ZMAT3: variants seen among roughly 807,000 people sequenced by gnomAD.
ZMAT3 encodes zinc finger matrin-type 3, also known as zinc finger matrin-type protein 3.
ZMAT3 carries 17 observed loss-of-function variants against 32.3 expected under a neutral mutation model. That is an observed-to-expected ratio of 0.53 (90% CI 0.36 to 0.79). The LOEUF is 0.79. Among genes scored for constraint, ZMAT3 ranks in the 30% least tolerant of loss-of-function variants. The pLI, the probability that ZMAT3 is intolerant of heterozygous loss-of-function variation, is 0.00. For synonymous variants in ZMAT3, 120 were observed against 133.1 expected, an observed-to-expected ratio of 0.90 and a Z score of 0.68; for missense variants, 329 against 359.7, an observed-to-expected ratio of 0.91 and a Z score of 0.69.
chr3:179,047,416 A>G (rs1220613676), intron 2 of ZMAT3, among the ~76,000 whole-genome samples: 1 of 152,214 alleles, frequency 6.6e-6, no homozygotes, highest in African/African-American at 2.4e-5. Context: ...AAGAACCACA[A>G]AAATAATTCT....
chr3:179,048,491 G>C (rs1457555613), intron 2 of ZMAT3, among the ~76,000 whole-genome samples: 1 of 152,180 alleles, frequency 6.6e-6, no homozygotes, highest in African/African-American at 2.4e-5. Context: ...AGCTAGAAGG[G>C]ACTGGGGTCC....
In ZMAT3 at chr3:179,030,988, A is replaced by G. The variant is rs1719153829; in HGVS notation, c.282T>C (p.His94=). 1.9e-6 allele frequency: 3 copies of G among 1,613,388 alleles called. No homozygotes were observed. Among genetic ancestry groups the G allele is most frequent in the Non-Finnish European group, 2.5e-6 (3 of 1,179,662 alleles). Residue 94 remains histidine, a synonymous_variant, in exon 3 of 6, where the codon CAT becomes CAC. Transcript: ENST00000311417. ...CATAGTAATTTCGGAGTTTCTTACC[A>G]TGATTTTTACCCTAGAAATAAAAAT... The part of the protein sequence containing the change: ...QAQAHYQGKN[H]GKKLRNYYAA...
intron 2 of ZMAT3, among the ~76,000 whole-genome samples, chr3:179,059,454 T>C (rs1721037599): frequency 6.6e-6 from 1 of 152,192 alleles, no homozygotes; most frequent in African/African-American, 2.4e-5. Context: ...ACCAGGCCTT[T>C]TCAAAACTAT....
Position 179,030,923 on chromosome 3 carries a change from A to G in ZMAT3, c.347T>C (p.Val116Ala), listed in dbSNP as rs779801051. Residue 116 changes from valine (V) to alanine (A), a missense_variant, in exon 3 of 6, where the codon GTG (valine) becomes GCG (alanine). By Grantham distance (64) the Val-to-Ala change is moderately conservative (BLOSUM62 0). Transcript: ENST00000311417. ...AACTGGAGTAGCTGCAGGCTCGACC[A>G]CATTGCTCATTCTAGCAGGAGGAGG... The part of the protein sequence containing the change: ...SCPPPARMSN[V>A]VEPAATPVVP... 1.2e-6 allele frequency: 2 copies of G among 1,613,972 alleles called. No individual in the cohort carries two copies. The highest frequency in any genetic ancestry group is 1.7e-6 in the Non-Finnish European group (2 of 1,179,922).
intron 2 of ZMAT3, among the ~76,000 whole-genome samples, chr3:179,041,947 C>A (rs1719958686): frequency 6.6e-6 from 1 of 152,164 alleles, no homozygotes; most frequent in Admixed American, 6.5e-5. Flanking sequence ...TCAGTGAATA[C>A]TATAAACACC....
intron 2 of ZMAT3, among the ~76,000 whole-genome samples, chr3:179,055,685 T>C (rs1720804643): frequency 6.6e-6 from 1 of 152,138 alleles, no homozygotes; most frequent in Non-Finnish European, 1.5e-5. Context: ...AAAATAGACC[T>C]AGGTAAATTC....
chr3:179,071,572 G>C (rs1002126181), intron 1 of ZMAT3, 23 bp downstream of exon 1: 1 of 152,172 alleles, frequency 6.6e-6, no homozygotes, highest in Non-Finnish European at 1.5e-5. Context: ...AAAGCTCCGC[G>C]GCTCCCAATC....
At chr3:179,034,303 G>T (rs1719464356) in intron 2 of ZMAT3, among the ~76,000 whole-genome samples, 2 of 152,086 alleles carry the variant, frequency 1.3e-5, no homozygotes, top group African/African-American at 4.8e-5. Flanking sequence ...CTTTTACCAT[G>T]GTCACAGTGA....
chr3:179,043,796 A>T (rs1720080878), intron 2 of ZMAT3, among the ~76,000 whole-genome samples: 1 of 152,190 alleles, frequency 6.6e-6, no homozygotes, highest in Non-Finnish European at 1.5e-5. Flanking sequence ...AACCTACAGA[A>T]TGGGAGAAAA....
chr3:179,070,114 G>GGA lies in ZMAT3; in HGVS notation c.-58+1480_-58+1481insTC, dbSNP rs1164336684. On this transcript the variant is annotated intron_variant, in intron 1 of 5. Coordinates refer to ENST00000311417, the MANE Select transcript of ZMAT3 (RefSeq NM_022470.4). ...TCTGCTAGTTCATTAGTGAAAAGGT[G>GGA]GGGGGGGGTGTCAAAACCTCTGGAT... 3.5e-5 allele frequency among the ~76,000 whole-genome samples: 5 copies of GGA among 141,390 alleles called. 1 individual carries two copies. Among genetic ancestry groups the GGA allele is most frequent in the Middle Eastern group, 7.4e-3 (2 of 272 alleles). The allele number at this position is 141,390 out of a possible 152,430, so 92.8% of individuals were successfully genotyped here.
chr3:179,028,100 A>G (rs1018153665), intron 3 of ZMAT3, among the ~76,000 whole-genome samples: 2 of 152,216 alleles, frequency 1.3e-5, no homozygotes, highest in African/African-American at 4.8e-5. Flanking sequence ...TAGGACAGTA[A>G]GTCATGGGTA....
chr3:179,035,054 G>C (rs765325799), intron 2 of ZMAT3, among the ~76,000 whole-genome samples: 12 of 152,120 alleles, frequency 7.9e-5, no homozygotes, highest in Non-Finnish European at 1.8e-4. Flanking sequence ...AATAATTCTT[G>C]ACATGAATCA....
At chr3:179,051,624 T>C (rs1720562364) in intron 2 of ZMAT3, among the ~76,000 whole-genome samples, 1 of 151,996 alleles carries the variant, frequency 6.6e-6, no homozygotes, top group Non-Finnish European at 1.5e-5. Context: ...AATACCATCA[T>C]CAAATTCAAT....
chr3:179,061,718 C>T (rs1427294821), intron 2 of ZMAT3, among the ~76,000 whole-genome samples: 1 of 152,124 alleles, frequency 6.6e-6, no homozygotes, highest in Non-Finnish European at 1.5e-5. Flanking sequence ...CCTATTTGAA[C>T]ATCTCTTGTG....
chr3:179,070,205 T>G (rs1178586894), intron 1 of ZMAT3, among the ~76,000 whole-genome samples: 1 of 152,194 alleles, frequency 6.6e-6, no homozygotes, highest in Non-Finnish European at 1.5e-5. Context: ...TCTGGACTTG[T>G]TTTATGAAAG....
intron 2 of ZMAT3, among the ~76,000 whole-genome samples, chr3:179,061,602 G>C (rs1325063597): frequency 6.6e-6 from 1 of 151,336 alleles, no homozygotes; most frequent in Non-Finnish European, 1.5e-5. Flanking sequence ...TTAAGTACCA[G>C]AAACTCAAGG....
rs1015371340 is a variant in ZMAT3 at position 179,067,776 on chromosome 3, A to T, written c.-24T>A. The stretch of plus-strand genomic sequence containing the variant: ...ATTGGGTAGGGAAGCCTGGGGCATA[A>T]TCCAGTGGGTGATGAGAAGCAAGGT... On this transcript the variant is annotated 5_prime_UTR_variant, in exon 2 of 6. Coordinates refer to ENST00000311417, the MANE Select transcript of ZMAT3 (RefSeq NM_022470.4). 1.9e-6 allele frequency: 3 copies of T among 1,609,982 alleles called. No individual in the cohort carries two copies. The highest frequency in any genetic ancestry group is 3.3e-5 in the Admixed American group (2 of 59,892).
At chr3:179,048,416 C>A (rs1266587927) in intron 2 of ZMAT3, among the ~76,000 whole-genome samples, 1 of 152,200 alleles carries the variant, frequency 6.6e-6, no homozygotes, top group Non-Finnish European at 1.5e-5. Flanking sequence ...GAGGCAAAAG[C>A]ATCAGGTAAC....
At chr3:179,069,560 CATTATGGCA>C (rs1444527684) in intron 1 of ZMAT3, among the ~76,000 whole-genome samples, 3 of 152,074 alleles carry the variant, frequency 2.0e-5, no homozygotes, top group African/African-American at 7.2e-5. Context: ...GAAATGTGTA[CATTATGGCA>C]ATAATAGAAT....
Sources: allele counts gnomAD v4.1 joint callset (sites outside exome capture counted in the v4.1 genomes callset), GRCh38; gene constraint gnomAD v4.1.1; transcripts MANE v1.5; gene names NCBI Gene and HGNC (gene_info 2026-07-23, HGNC 2026-07-21).